PZP: variants seen among roughly 807,000 people sequenced by gnomAD.
PZP encodes PZP alpha-2-macroglobulin like.
A neutral mutation model predicts 179.8 loss-of-function variants in PZP; 150 were observed. That is an observed-to-expected ratio of 0.83 (90% CI 0.73 to 0.96). The LOEUF (loss-of-function observed/expected upper bound fraction) is 0.96, where lower values mean the gene tolerates loss of function less well. PZP is among the 40% of genes least tolerant of loss of function. The probability of loss-of-function intolerance (pLI) is 0.00; values close to 1 mark genes in which losing one functional copy is unlikely to be tolerated. For synonymous variants in PZP, 624 were observed against 652.3 expected (o/e 0.96, Z 0.66); for missense variants, 1,689 against 1,764.0 (o/e 0.96, Z 0.76).
intron 23 of PZP, 41 bp from the exon 24 acceptor site, chr12:9,160,531 T>A: frequency 1.3e-6 from 2 of 1,576,864 alleles, no homozygotes; most frequent in Non-Finnish European, 1.7e-6. Context: ...TAATTTCAGT[T>A]CATAAATAGC....
At chr12:9,144,045 C>A (rs908140207), downstream of PZP, among the ~76,000 whole-genome samples, 22 of 152,178 alleles carry the variant, frequency 1.4e-4, no homozygotes, top group Non-Finnish European at 2.9e-5. Flanking sequence ...ACCTGACTTT[C>A]CCGGGTACCA....
chr12:9,207,236 G>T (rs577626073), intron 1 of PZP, among the ~76,000 whole-genome samples: 77 of 152,280 alleles, frequency 5.1e-4, no homozygotes, highest in South Asian at 2.5e-3. Context: ...GTATCAGTCT[G>T]GAATACAGGA....
intron 29 of PZP, 61 bp downstream of exon 29, chr12:9,154,555 C>T: frequency 6.8e-7 from 1 of 1,476,742 alleles, no homozygotes; most frequent in Admixed American, 1.8e-5. Flanking sequence ...AACTGTTCTA[C>T]TTTTAAGCCT....
intron 2 of PZP, 94 bp from the exon 3 acceptor site, chr12:9,202,778 T>C: frequency 1.6e-6 from 2 of 1,224,376 alleles, no homozygotes; most frequent in Non-Finnish European, 2.3e-6. Flanking sequence ...CTCCTTCAGC[T>C]TCACCAAGGA....
chr12:9,200,941 C>T lies in PZP; in HGVS notation c.621G>A (p.Gln207=). ...PIQGSYRVVV[Q]TESGGRIQHP... is the part of the protein sequence containing the mutation. The stretch of plus-strand genomic sequence containing the variant: ...GCTGTATCCTTCCACCTGATTCTGT[C>T]TGTACCACCACCCTGTAGGAGCCCT... Residue 207 remains glutamine (Q), a synonymous_variant, in exon 6 of 36, where the codon CAG becomes CAA. Transcript: ENST00000261336. The T allele has an allele frequency of 6.2e-7, 1 of 1,614,096 alleles. No individual in the cohort carries two copies. Among genetic ancestry groups the T allele is most frequent in the South Asian group, 1.1e-5 (1 of 91,062 alleles).
intron 15 of PZP, among the ~76,000 whole-genome samples, chr12:9,174,219 A>T (rs1195795589): frequency 6.6e-6 from 1 of 152,254 alleles, no homozygotes; most frequent in East Asian, 1.9e-4. Context: ...AGAACTAAAG[A>T]CAAAAACCAC....
At position 9,152,900 on chromosome 12, in the gene PZP, A is replaced by T. The variant is rs766841026; in HGVS notation, c.4045T>A (p.Leu1349Ile). The T allele has an allele frequency of 1.7e-5, 27 of 1,614,006 alleles. No individual in the cohort carries two copies. Among genetic ancestry groups the T allele is most frequent in the Non-Finnish European group, 2.3e-5 (27 of 1,180,006 alleles). The change falls in exon 31 of 36, where the codon TTA becomes ATA. Residue 1349 changes from leucine to isoleucine, a missense_variant. Coordinates refer to ENST00000261336, the MANE Select transcript of PZP (RefSeq NM_002864.3). ...LPEKEDSPFA[L>I]KVQTVPQTCD... ...GTTTGGGGCACAGTCTGCACTTTTA[A>T]AGCAAATGGGGAGTCCTCTTTCTCT...
At chr12:9,145,005 G>T (rs1314548372), downstream of PZP, among the ~76,000 whole-genome samples, 1 of 152,166 alleles carries the variant, frequency 6.6e-6, no homozygotes, top group East Asian at 1.9e-4. Context: ...ACTCTCTTGT[G>T]ATTACCATTT....
At chr12:9,152,119 G>C in intron 32 of PZP, 101 bp downstream of exon 32, 1 of 912,894 alleles carries the variant, frequency 1.1e-6, no homozygotes, top group Non-Finnish European at 1.8e-6. Flanking sequence ...ATTTTTTTGA[G>C]GCAGGATGAT....
downstream of PZP, among the ~76,000 whole-genome samples, chr12:9,144,893 C>T (rs146347191): frequency 3.8e-4 from 58 of 152,274 alleles, 2 homozygotes; most frequent in African/African-American, 1.3e-3. Flanking sequence ...GTCATGCTGA[C>T]GTTAGCCATT....
chr12:9,186,133 C>A (rs778405713), intron 13 of PZP, among the ~76,000 whole-genome samples: 33 of 152,132 alleles, frequency 2.2e-4, no homozygotes, highest in African/African-American at 7.7e-4. Flanking sequence ...TAAATTCCAA[C>A]CAAGAATTTC....
rs1293548702 is a variant in PZP, at chr12:9,193,763, G to GA, written c.1254+313dup. ...CTTTACAAAATTTCTAAGTGACCTG[G>GA]AAAAAATAACATAAAACAAAGTACA... On this transcript the variant is annotated intron_variant, in intron 11 of 35. Coordinates refer to ENST00000261336, the MANE Select transcript of PZP (RefSeq NM_002864.3). Among the ~76,000 whole-genome samples the GA allele has an allele frequency of 4.6e-5, 7 of 152,062 alleles. No homozygotes were observed. In the East Asian group the frequency reaches 5.8e-4, roughly 13 times the overall value.
At position 9,165,272 on chromosome 12, in the gene PZP, C is replaced by G. The variant is rs1006534438; in HGVS notation, c.2354G>C (p.Gly785Ala). Residue 785 changes from glycine (G) to alanine (A), a missense_variant, in exon 19 of 36, where the codon GGT (glycine) becomes GCT (alanine). This residue lies in a region of PZP where 201 missense variants were observed against 284.2 expected (regional missense o/e 0.71). Transcript: ENST00000261336. ...AFCLSEDAGL[G>A]ISSTASLRAF... Reference sequence around the variant, plus strand: ...TCGGAGAGAGGCAGTGGAAGAGATACCAAGTCCAGCATCTTCGGACAGGCA... The same window carrying G: ...TCGGAGAGAGGCAGTGGAAGAGATAGCAAGTCCAGCATCTTCGGACAGGCA... 2 of 1,614,034 alleles carry G rather than the reference C, an allele frequency of 1.2e-6. No homozygotes were observed. Among genetic ancestry groups the G allele is most frequent in the Non-Finnish European group, 1.7e-6 (2 of 1,180,020 alleles).
intron 7 of PZP, among the ~76,000 whole-genome samples, chr12:9,199,729 G>T (rs1227142906): frequency 6.6e-6 from 1 of 151,976 alleles, no homozygotes; most frequent in Non-Finnish European, 1.5e-5. Context: ...AAATATTAGA[G>T]CAAAAAAACT....
chr12:9,196,876 C>T lies in PZP; in HGVS notation c.867+136G>A, dbSNP rs914379538. On this transcript the variant is annotated intron_variant, in intron 8 of 35. Coordinates refer to ENST00000261336, the MANE Select transcript of PZP (RefSeq NM_002864.3). ...GTCGTCCAAATGAGAATCTTGTTGA[C>T]TAAGAACAGAAATTCGTTTTTTGGT... 1.9e-5 allele frequency: 15 copies of T among 798,848 alleles called. No individual in the cohort carries two copies. In the African/African-American group the frequency reaches 1.9e-4, roughly 10 times the overall value. The allele number at this position is 798,848 out of a possible 1,614,324, so 49.5% of individuals were successfully genotyped here.
At chr12:9,171,240 C>A (rs1231211195) in intron 15 of PZP, among the ~76,000 whole-genome samples, 1 of 152,138 alleles carries the variant, frequency 6.6e-6, no homozygotes, top group East Asian at 1.9e-4. Flanking sequence ...AGTGGACCCC[C>A]AGCAAACCTC....
chr12:9,160,122 T>C (rs1941066964), intron 24 of PZP, 97 bp from the exon 25 acceptor site: 2 of 1,240,686 alleles, frequency 1.6e-6, no homozygotes. Flanking sequence ...GGACATTTTA[T>C]GACCTTCTGT....
chr12:9,145,876 G>A (rs1939982178), downstream of PZP, among the ~76,000 whole-genome samples: 1 of 152,094 alleles, frequency 6.6e-6, no homozygotes, highest in Non-Finnish European at 1.5e-5. Context: ...CTGCCTTCTG[G>A]ACTGCAAATT....
At chr12:9,194,745 T>A (rs111446130) in intron 10 of PZP, among the ~76,000 whole-genome samples, 2,006 of 152,238 alleles carry the variant, frequency 0.013, 40 homozygotes, top group African/African-American at 0.046. Context: ...ATTACAGGCG[T>A]GAGCCACCGT....
Sources: gnomAD v4.1 joint callset for allele counts (sites outside exome capture counted in the v4.1 genomes callset) on GRCh38, gnomAD v4.1.1 for gene constraint, gnomAD v4.1.1 regional missense constraint, MANE v1.5 for transcripts, NCBI Gene and HGNC (gene_info 2026-07-23, HGNC 2026-07-21) for gene names.